Variants in IPO11 observed in about 807,000 individuals in gnomAD.
IPO11 encodes importin-11.
Under a neutral mutation model 143.2 loss-of-function variants are expected in IPO11, and 66 were observed. The observed-to-expected ratio is 0.46, with a 90% CI of 0.38 to 0.57. The LOEUF (loss-of-function observed/expected upper bound fraction) is 0.57. IPO11 is among the 20% of genes least tolerant of loss of function. The pLI is 0.00. For synonymous variants in IPO11, 385 were observed against 377.8 expected (o/e 1.02, Z -0.22); for missense variants, 1,026 against 1,141.0 (o/e 0.90, Z 1.45).
intron 2 of IPO11, among the ~76,000 whole-genome samples, chr5:62,441,054 A>T (rs1744457001): frequency 1.3e-5 from 2 of 152,126 alleles, no homozygotes; most frequent in African/African-American, 4.8e-5. Context: ...AAGGTTTAAG[A>T]GGTCACCTTT....
chr5:62,413,986 G>A (rs112561469), intron 1 of IPO11, among the ~76,000 whole-genome samples: 2,099 of 152,292 alleles, frequency 0.014, 18 homozygotes, highest in Middle Eastern at 0.041. Context: ...TGTTTCTGCA[G>A]TAACCTAGCA....
intron 2 of IPO11, among the ~76,000 whole-genome samples, chr5:62,440,051 A>T (rs886566963): frequency 6.6e-6 from 1 of 152,174 alleles, no homozygotes; most frequent in Non-Finnish European, 1.5e-5. Flanking sequence ...TCGTTCACTC[A>T]TTTGCTCAAT....
chr5:62,560,748 A>G (rs1360972942), intron 26 of IPO11: 1 of 153,232 alleles, frequency 6.5e-6, no homozygotes, highest in African/African-American at 2.4e-5. Flanking sequence ...AAATTAGTCT[A>G]GCAAATTAGA....
chr5:62,451,372 TAGTG>T, intron 4 of IPO11, among the ~76,000 whole-genome samples: 1 of 152,284 alleles, frequency 6.6e-6, no homozygotes, highest in South Asian at 2.1e-4. Flanking sequence ...CAATAAAAAT[TAGTG>T]AGAAAGGTGG....
At chr5:62,450,554 T>A (rs184166004) in intron 4 of IPO11, among the ~76,000 whole-genome samples, 2 of 152,304 alleles carry the variant, frequency 1.3e-5, no homozygotes, top group East Asian at 3.9e-4. Context: ...AGTGACACAT[T>A]TCTCAGAACA....
At chr5:62,415,808 A>G (rs545643154) in intron 1 of IPO11, among the ~76,000 whole-genome samples, 1 of 152,178 alleles carries the variant, frequency 6.6e-6, no homozygotes, top group African/African-American at 2.4e-5. Context: ...CTTCTGCTTC[A>G]TAGAGGAAAT....
chr5:62,419,317 T>C (rs1027972707), intron 1 of IPO11, among the ~76,000 whole-genome samples: 4 of 152,234 alleles, frequency 2.6e-5, no homozygotes, highest in African/African-American at 9.6e-5. Context: ...TATTGTACAC[T>C]TAGGCTAAAA....
intron 29 of IPO11, among the ~76,000 whole-genome samples, chr5:62,611,207 G>C (rs908445869): frequency 1.8e-4 from 28 of 152,124 alleles, no homozygotes; most frequent in African/African-American, 6.8e-4. Context: ...GAAATACACT[G>C]TGGTCATGGG....
At chr5:62,474,803 T>C (rs1337248883) in intron 8 of IPO11, among the ~76,000 whole-genome samples, 1 of 152,128 alleles carries the variant, frequency 6.6e-6, no homozygotes, top group Non-Finnish European at 1.5e-5. Context: ...CCAAACCCTT[T>C]GTGTACTATG....
intron 22 of IPO11, among the ~76,000 whole-genome samples, chr5:62,535,228 G>GT (rs1236091117): frequency 1.3e-4 from 20 of 150,498 alleles, no homozygotes; most frequent in African/African-American, 2.2e-4. Flanking sequence ...TTAAATGTTG[G>GT]TTTTTTTTTA....
At chr5:62,464,406 TG>T (rs1745497848) in intron 5 of IPO11, among the ~76,000 whole-genome samples, 1 of 152,102 alleles carries the variant, frequency 6.6e-6, no homozygotes, top group Non-Finnish European at 1.5e-5. Context: ...CCCAAAGTGC[TG>T]GGATTACAGG....
At chr5:62,561,893 T>G (rs1338340128) in intron 27 of IPO11, 1 of 151,324 alleles carries the variant, frequency 6.6e-6, no homozygotes, top group Non-Finnish European at 1.5e-5. Flanking sequence ...TTTTTTAAAG[T>G]GGTGGCAGGT....
chr5:62,578,614 A>T (rs1744410859), intron 27 of IPO11: 5 of 448,206 alleles, frequency 1.1e-5, no homozygotes, highest in Non-Finnish European at 1.8e-5. Flanking sequence ...TATTAGGAAA[A>T]CTCTAACTGC....
At chr5:62,535,623 A>C (rs1183936694) in intron 22 of IPO11, among the ~76,000 whole-genome samples, 2 of 152,040 alleles carry the variant, frequency 1.3e-5, no homozygotes, top group African/African-American at 4.8e-5. Context: ...ATTTTTTAAA[A>C]CTGTCAAATC....
intron 19 of IPO11, among the ~76,000 whole-genome samples, chr5:62,511,891 G>A (rs1333500432): frequency 5.3e-5 from 8 of 151,840 alleles, no homozygotes; most frequent in African/African-American, 9.7e-5. Context: ...TACAACACCC[G>A]GCAGGAAAAA....
intron 28 of IPO11, among the ~76,000 whole-genome samples, chr5:62,594,790 G>A (rs1252654147): frequency 3.3e-5 from 5 of 152,216 alleles, no homozygotes; most frequent in Non-Finnish European, 7.3e-5. Context: ...CCACAACCTA[G>A]AAGGGGAGAC....
intron 26 of IPO11, among the ~76,000 whole-genome samples, chr5:62,557,130 C>G (rs1015415548): frequency 2.0e-5 from 3 of 152,116 alleles, no homozygotes; most frequent in African/African-American, 2.4e-5. Flanking sequence ...AATGTGTTAT[C>G]TAAACATTAT....
intron 29 of IPO11, among the ~76,000 whole-genome samples, chr5:62,604,252 A>G (rs1345336702): frequency 6.6e-6 from 1 of 152,160 alleles, no homozygotes; most frequent in East Asian, 1.9e-4. Flanking sequence ...TCTATCACCC[A>G]GGCTGGAGTG....
At chr5:62,452,725 T>G (rs546311150) in intron 5 of IPO11, among the ~76,000 whole-genome samples, 371 of 12,176 alleles carry the variant, frequency 0.03, 16 homozygotes, top group African/African-American at 0.13. Flanking sequence ...TTTGGTGGGG[T>G]GTGTGTGTGT....
Sources: allele counts gnomAD v4.1 joint callset (sites outside exome capture counted in the v4.1 genomes callset), GRCh38; gene constraint gnomAD v4.1.1; transcripts MANE v1.5; gene names NCBI Gene and HGNC (gene_info 2026-07-23, HGNC 2026-07-21).